Variants in PTPRN2 observed in about 807,000 individuals in gnomAD.
PTPRN2 encodes protein tyrosine phosphatase receptor type N2.
PTPRN2 carries 74 observed loss-of-function variants against 118.8 expected under a neutral mutation model. That is an observed-to-expected ratio of 0.62 (90% CI 0.52 to 0.76). PTPRN2 has a LOEUF of 0.76. Among genes scored for constraint, PTPRN2 ranks in the 30% least tolerant of loss-of-function variants. The probability of loss-of-function intolerance (pLI) is 0.00; values close to 1 mark genes in which losing one functional copy is unlikely to be tolerated. For missense variants in PTPRN2, 1,481 were observed against 1,394.4 expected (o/e 1.06, Z -0.99); for synonymous variants, 641 against 608.0 (o/e 1.05, Z -0.80).
chr7:158,387,012 A>T (rs1811438737), intron 2 of PTPRN2, among the ~76,000 whole-genome samples: 1 of 151,586 alleles, frequency 6.6e-6, no homozygotes, highest in African/African-American at 2.4e-5. Context: ...GTGGCTTCTC[A>T]CCCTCTGGGA....
intron 2 of PTPRN2, among the ~76,000 whole-genome samples, chr7:158,380,387 C>T (rs571693113): frequency 3.9e-5 from 6 of 152,314 alleles, no homozygotes; most frequent in African/African-American, 1.4e-4. Context: ...TTGGCCAAAA[C>T]AAAGAGGCTA....
chr7:157,879,214 TGGAA>T (rs1446798535), intron 12 of PTPRN2, among the ~76,000 whole-genome samples: 8 of 149,368 alleles, frequency 5.4e-5, no homozygotes, highest in South Asian at 4.2e-4. Flanking sequence ...TCCGTGGGGC[TGGAA>T]GGGTCAGTGT....
At chr7:158,287,900 CG>C (rs1382228671) in intron 3 of PTPRN2, among the ~76,000 whole-genome samples, 1 of 151,978 alleles carries the variant, frequency 6.6e-6, no homozygotes, top group Non-Finnish European at 1.5e-5. Flanking sequence ...TGTCCATTGC[CG>C]AAAGTGGGTA....
chr7:158,171,028 CAT>C (rs576299967), intron 5 of PTPRN2, among the ~76,000 whole-genome samples: 17 of 143,814 alleles, frequency 1.2e-4, no homozygotes, highest in Admixed American at 6.2e-4. Context: ...TATATATACA[CAT>C]ATATATACAC....
At chr7:158,325,790 C>T (rs1050876007) in intron 2 of PTPRN2, among the ~76,000 whole-genome samples, 5 of 152,218 alleles carry the variant, frequency 3.3e-5, no homozygotes, top group Non-Finnish European at 7.3e-5. Flanking sequence ...GCAGGGACTG[C>T]GACCATTTCT....
At chr7:157,565,520 C>A (rs1480277705) in intron 21 of PTPRN2, among the ~76,000 whole-genome samples, 1 of 152,130 alleles carries the variant, frequency 6.6e-6, no homozygotes, top group Non-Finnish European at 1.5e-5. Context: ...CAGGCGCAGA[C>A]CCTGGTGGGA....
chr7:158,182,804 C>A (rs1447039873), intron 5 of PTPRN2, among the ~76,000 whole-genome samples: 1 of 152,178 alleles, frequency 6.6e-6, no homozygotes, highest in South Asian at 2.1e-4. Flanking sequence ...TCTGTTAGAT[C>A]CATTTGTTCT....
intron 2 of PTPRN2, among the ~76,000 whole-genome samples, chr7:158,319,196 C>A (rs1053740702): frequency 6.6e-6 from 1 of 152,152 alleles, no homozygotes; most frequent in Non-Finnish European, 1.5e-5. Context: ...ATAATTTTAG[C>A]TACTTGACAG....
chr7:157,890,062 A>C (rs1796712197), intron 12 of PTPRN2, among the ~76,000 whole-genome samples: 1 of 148,900 alleles, frequency 6.7e-6, no homozygotes, highest in African/African-American at 2.5e-5. Context: ...ATAGTTTTAT[A>C]TTTTAAGTCA....
chr7:158,529,175 C>T lies in PTPRN2; in HGVS notation c.113-39390G>A, dbSNP rs530860996. Among the ~76,000 whole-genome samples the T allele has an allele frequency of 6.6e-6, 1 of 152,374 alleles. No individual in the cohort carries two copies. Among genetic ancestry groups the T allele is most frequent in the East Asian group, 1.9e-4 (1 of 5,190 alleles). ...ACAGGACATTAGAATGCCCGCAGCA[C>T]TCACACAGCACCTGGTGGGCACTAA... On this transcript the variant is annotated intron_variant, in intron 1 of 22. Coordinates refer to ENST00000389418, the MANE Select transcript of PTPRN2 (RefSeq NM_002847.5). This position sits in a 1 kb window ranked among gnomAD's most constrained non-coding sequence, Gnocchi z 4.7.
rs546125823 is a variant in PTPRN2 at position 158,133,523 on chromosome 7, G to A, written c.1556+154C>T. ...CTGTCCAGGCACCTGGCTGCCCTCC[G>A]CGCCTGAGACTCCAGGGATGCCTGC... On this transcript the variant is annotated intron_variant, in intron 9 of 22. Transcript: ENST00000389418. Among the ~76,000 whole-genome samples, 1,255 of 152,314 alleles carry A rather than the reference G, an allele frequency of 8.2e-3. 6 individuals are homozygous for A. Among genetic ancestry groups the A allele is most frequent in the Non-Finnish European group, 0.014 (944 of 68,036 alleles).
At position 158,104,542 on chromosome 7, in the gene PTPRN2, G is replaced by T. The variant is rs542475885; in HGVS notation, c.1643+6287C>A. Among the ~76,000 whole-genome samples, 5 of 152,248 alleles carry T rather than the reference G, an allele frequency of 3.3e-5. No homozygotes were observed. The South Asian group carries it at 6.2e-4, about 19-fold the overall frequency. On this transcript the variant is annotated intron_variant, in intron 10 of 22. Coordinates refer to ENST00000389418, the MANE Select transcript of PTPRN2 (RefSeq NM_002847.5). ...AGAGAGGAGAACAGAAGGGAGAAAA[G>T]AGAGAGAACAGGACTGATGGAGGCC... is the stretch of plus-strand genomic sequence containing the variant.
intron 1 of PTPRN2, among the ~76,000 whole-genome samples, chr7:158,548,770 C>A (rs1183503875): frequency 6.6e-6 from 1 of 152,222 alleles, no homozygotes; most frequent in Non-Finnish European, 1.5e-5. Context: ...CAGCGTGAAC[C>A]CAGGCGGCCT....
intron 2 of PTPRN2, among the ~76,000 whole-genome samples, chr7:158,380,073 T>C (rs901926112): frequency 1.3e-5 from 2 of 152,156 alleles, no homozygotes; most frequent in Admixed American, 6.6e-5. Context: ...CATATGGGAA[T>C]TATGGGAGCT....
At chr7:158,032,795 C>A (rs2128883213) in intron 11 of PTPRN2, among the ~76,000 whole-genome samples, 1 of 152,298 alleles carries the variant, frequency 6.6e-6, no homozygotes, top group South Asian at 2.1e-4. Context: ...CCCAGGACCA[C>A]AACGGCCCCA....
chr7:157,997,615 C>T (rs952510114), intron 11 of PTPRN2, among the ~76,000 whole-genome samples: 1 of 151,856 alleles, frequency 6.6e-6, no homozygotes, highest in Non-Finnish European at 1.5e-5. Context: ...CAGAATGTCC[C>T]TGCAGATAAA....
chr7:157,896,040 C>A (rs1797092349), intron 12 of PTPRN2, among the ~76,000 whole-genome samples: 3 of 151,868 alleles, frequency 2.0e-5, no homozygotes, highest in Admixed American at 2.0e-4. Context: ...ACCCCCCGAT[C>A]CAAGCAGGGA....
At chr7:157,961,418 A>T (rs1334103247) in intron 11 of PTPRN2, among the ~76,000 whole-genome samples, 2 of 152,066 alleles carry the variant, frequency 1.3e-5, no homozygotes, top group Non-Finnish European at 1.5e-5. Flanking sequence ...CTGTAATCCC[A>T]GCTACATGGA....
chr7:158,026,775 G>A (rs948264758), intron 11 of PTPRN2, among the ~76,000 whole-genome samples: 2 of 152,176 alleles, frequency 1.3e-5, no homozygotes, highest in African/African-American at 2.4e-5. Context: ...GAGGAAGGCA[G>A]AGTGCCCTCC....
Sources: allele counts gnomAD v4.1 joint callset (sites outside exome capture counted in the v4.1 genomes callset), GRCh38; gene constraint gnomAD v4.1.1; non-coding constraint Gnocchi (gnomAD v3.1); transcripts MANE v1.5; gene names NCBI Gene and HGNC (gene_info 2026-07-23, HGNC 2026-07-21).